Variants in FERMT2 observed in about 807,000 individuals in gnomAD.
FERMT2 encodes the protein fermitin family homolog 2.
A neutral mutation model predicts 82.7 loss-of-function variants in FERMT2; 15 were observed. That is an observed-to-expected ratio of 0.18 (90% CI 0.12 to 0.28). FERMT2 has a LOEUF of 0.28. FERMT2 is among the 10% of genes least tolerant of loss of function. The pLI, the probability that FERMT2 is intolerant of heterozygous loss-of-function variation, is 1.00. For synonymous variants in FERMT2, 274 were observed against 271.5 expected (o/e 1.01, Z -0.09); for missense variants, 645 against 809.4 (o/e 0.80, Z 2.46).
At chr14:52,936,323 A>C (rs1489731932) in intron 2 of FERMT2, among the ~76,000 whole-genome samples, 1 of 152,212 alleles carries the variant, frequency 6.6e-6, no homozygotes, top group Non-Finnish European at 1.5e-5. Context: ...TGTATACTGG[A>C]AAAATTATTT....
chr14:52,868,013 A>T (rs534234193), intron 10 of FERMT2, among the ~76,000 whole-genome samples: 3 of 152,216 alleles, frequency 2.0e-5, no homozygotes, highest in African/African-American at 7.2e-5. Flanking sequence ...GGATCTTGTC[A>T]TTTTTGTGTT....
chr14:52,893,424 A>G lies in FERMT2; in HGVS notation c.395T>C (p.Ile132Thr), dbSNP rs1462517048. Residue 132 changes from isoleucine (I) to threonine (T), a missense_variant, in exon 4 of 15, where the codon ATC becomes ACC. Transcript: ENST00000341590. The part of the protein sequence containing the change: ...AVSDICKTFN[I>T]RHPEELSLLK... Reference sequence around the variant, plus strand: ...GAGAGAAAGTTCTTCGGGGTGTCTGATATCTGTTAATAAAATAGATTGTTT... The same window carrying G: ...GAGAGAAAGTTCTTCGGGGTGTCTGGTATCTGTTAATAAAATAGATTGTTT... The G allele has an allele frequency of 1.9e-6, 3 of 1,586,422 alleles. No homozygotes were observed. The highest frequency in any genetic ancestry group is 2.6e-6 in the Non-Finnish European group (3 of 1,169,034).
intron 2 of FERMT2, among the ~76,000 whole-genome samples, chr14:52,950,093 C>A (rs62003546): frequency 0.013 from 1,918 of 152,312 alleles, 14 homozygotes; most frequent in Non-Finnish European, 0.019. Flanking sequence ...TTTCCTCATT[C>A]TTTTATCGTT....
At chr14:52,880,636 A>G (rs1886236377) in intron 6 of FERMT2, among the ~76,000 whole-genome samples, 2 of 152,054 alleles carry the variant, frequency 1.3e-5, no homozygotes, top group Non-Finnish European at 1.5e-5. Context: ...TGACCATGTG[A>G]TCCGCCCACC....
In FERMT2 at chr14:52,858,530, A is replaced by T; in HGVS notation, c.1890T>A (p.Asp630Glu). The T allele has an allele frequency of 6.2e-7, 1 of 1,614,158 alleles. No homozygotes were observed. The highest frequency in any genetic ancestry group is 8.5e-7 in the Non-Finnish European group (1 of 1,179,988). ...EIKMVTVEFA[D>E]EVRLSFICTE... ...TACAAATGAAGGACAATCGTACTTC[A>T]TCTGCAAACTCTACGGTGACCTGGA... Residue 630 changes from aspartate (D) to glutamate (E), a missense_variant, in exon 15 of 15, where the codon GAT (aspartate) becomes GAA (glutamate). Transcript: ENST00000341590.
At chr14:52,861,510 A>AGAATTTT (rs1197585091) in intron 12 of FERMT2, 1 of 153,152 alleles carries the variant, frequency 6.5e-6, no homozygotes, top group African/African-American at 2.4e-5. Flanking sequence ...TTCAGAAATA[A>AGAATTTT]GAATTTGAAG....
At chr14:52,889,916 A>G (rs1042179140) in intron 4 of FERMT2, among the ~76,000 whole-genome samples, 7 of 152,090 alleles carry the variant, frequency 4.6e-5, no homozygotes, top group African/African-American at 1.7e-4. Context: ...ATCACTTGAG[A>G]CCAGGAGTTC....
rs1309128617 is a variant in FERMT2 at position 52,866,472 on chromosome 14, G to A, written c.1274-1619C>T. Among the ~76,000 whole-genome samples, 4 of 152,104 alleles carry A rather than the reference G, an allele frequency of 2.6e-5. No homozygotes were observed. The East Asian group carries it at 7.7e-4, about 29-fold the overall frequency. Reference sequence around the variant, plus strand: ...ACTGGACATCAACTCCAACTGCCGAGACTCACTGTCTTCACATTATACATT... The same window carrying A: ...ACTGGACATCAACTCCAACTGCCGAAACTCACTGTCTTCACATTATACATT... On this transcript the variant is annotated intron_variant, in intron 10 of 14. Coordinates refer to ENST00000341590, the MANE Select transcript of FERMT2 (RefSeq NM_006832.3).
intron 3 of FERMT2, among the ~76,000 whole-genome samples, chr14:52,911,995 C>CCCCA (rs1230323821): frequency 6.6e-6 from 1 of 150,998 alleles, no homozygotes; most frequent in Non-Finnish European, 1.5e-5. Context: ...TGATATTGAC[C>CCCCA]CCCACCCTAC....
rs1452222165 is a variant in FERMT2 at position 52,875,247 on chromosome 14, T to C, written c.1074A>G (p.Glu358=). The part of the protein sequence containing the change: ...AALSDLEITL[E]GGKTSTILGD... ...CCAAAATTGTTGACGTTTTACCCCC[T>C]TCCAGAGTAATCTCCAGGTCTGAAA... The change falls in exon 8 of 15, where the codon GAA becomes GAG. Residue 358 remains glutamate (E), a synonymous_variant. Coordinates refer to ENST00000341590, the MANE Select transcript of FERMT2 (RefSeq NM_006832.3). 6.2e-7 allele frequency: 1 copy of C among 1,611,402 alleles called. No individual in the cohort carries two copies. The highest frequency in any genetic ancestry group is 1.7e-5 in the Admixed American group (1 of 59,470).
chr14:52,864,835 T>C lies in FERMT2; in HGVS notation c.1292A>G (p.Asp431Gly). 1 of 1,608,004 alleles carries C rather than the reference T, an allele frequency of 6.2e-7. No homozygotes were observed. Among genetic ancestry groups the C allele is most frequent in the Non-Finnish European group, 8.5e-7 (1 of 1,175,318 alleles). The change falls in exon 11 of 15, where the codon GAT becomes GGT. Residue 431 changes from aspartate (D) to glycine (G), a missense_variant. Asp to Gly is a moderately conservative substitution (Grantham distance 94). Coordinates refer to ENST00000341590, the MANE Select transcript of FERMT2 (RefSeq NM_006832.3). ...AAATTTTTGGCCTGAAATGTTTACA[T>C]CTGGGGTAACTTCACATCCTGTAAC... ...MNLRGCEVTP[D>G]VNISGQKFNI...
intron 4 of FERMT2, 127 bp from the exon 5 acceptor site, chr14:52,881,596 A>G (rs1886301563): frequency 5.8e-6 from 5 of 856,712 alleles, no homozygotes; most frequent in South Asian, 1.9e-5. Flanking sequence ...AAAGCTTAGT[A>G]TATTATTTTA....
chr14:52,917,126 T>A (rs1163351592), intron 3 of FERMT2, among the ~76,000 whole-genome samples: 1 of 152,210 alleles, frequency 6.6e-6, no homozygotes, highest in South Asian at 2.1e-4. Context: ...GAATTATGTA[T>A]ATATTTAAAA....
chr14:52,875,100 T>G, intron 8 of FERMT2, 123 bp downstream of exon 8: 1 of 826,558 alleles, frequency 1.2e-6, no homozygotes, highest in Non-Finnish European at 1.9e-6. Flanking sequence ...TAACATCTGA[T>G]TTCTCTCTCT....
intron 10 of FERMT2, among the ~76,000 whole-genome samples, chr14:52,872,539 AC>A (rs1454151450): frequency 2.6e-5 from 4 of 152,194 alleles, no homozygotes; most frequent in Non-Finnish European, 4.4e-5. Flanking sequence ...CTCTCAAAAA[AC>A]AAAAAAGAAA....
intron 4 of FERMT2, among the ~76,000 whole-genome samples, chr14:52,889,580 A>G (rs1417286398): frequency 6.6e-6 from 1 of 152,212 alleles, no homozygotes; most frequent in Admixed American, 6.5e-5. Context: ...TCATGCACCT[A>G]CTAACAATAG....
chr14:52,927,592 TAAAAAAAAAAAAAAAAA>T (rs71125150), intron 2 of FERMT2, among the ~76,000 whole-genome samples: 3 of 33,714 alleles, frequency 8.9e-5, no homozygotes, highest in African/African-American at 2.6e-4. Context: ...CTCATCCCTA[TAAAAAAAAAAAAAAAAA>T]AAAAAAAAAA....
intron 2 of FERMT2, among the ~76,000 whole-genome samples, chr14:52,922,262 TC>T (rs1031623723): frequency 1.1e-4 from 16 of 152,156 alleles, no homozygotes; most frequent in African/African-American, 3.9e-4. Context: ...TAAGGGTTAC[TC>T]CTGGGGCCAT....
chr14:52,893,040 C>A (rs1887041663), intron 4 of FERMT2, among the ~76,000 whole-genome samples: 1 of 152,186 alleles, frequency 6.6e-6, no homozygotes, highest in Non-Finnish European at 1.5e-5. Flanking sequence ...CTCTGTCACC[C>A]AGGCTGGAGT....
Sources: allele counts gnomAD v4.1 joint callset (sites outside exome capture counted in the v4.1 genomes callset), GRCh38; gene constraint gnomAD v4.1.1; transcripts MANE v1.5; gene names NCBI Gene and HGNC (gene_info 2026-07-23, HGNC 2026-07-21).